The following DACH2 variants were observed in gnomAD, a reference collection of about 807,000 sequenced individuals.
DACH2 encodes the protein dachshund family transcription factor 2, also known as dachshund homolog 2.
DACH2 carries 17 observed loss-of-function variants against 35.8 expected under a neutral mutation model. The ratio of observed to expected loss-of-function variants is 0.48; its 90% CI spans 0.33 to 0.71. The LOEUF (loss-of-function observed/expected upper bound fraction) is 0.71, where lower values mean the gene tolerates loss of function less well. Among genes scored for constraint, DACH2 ranks in the 30% least tolerant of loss-of-function variants. The probability of loss-of-function intolerance (pLI) is 0.02; values close to 1 mark genes in which losing one functional copy is unlikely to be tolerated. For missense variants in DACH2, 469 were observed against 472.7 expected, an observed-to-expected ratio of 0.99 and a Z score of 0.07; for synonymous variants, 195 against 177.3, an observed-to-expected ratio of 1.10 and a Z score of -0.79.
At chrX:86,581,052 C>T (rs752780861) in intron 3 of DACH2, among the ~76,000 whole-genome samples, 6 of 111,386 alleles carry the variant, frequency 5.4e-5, no homozygotes, top group Non-Finnish European at 7.5e-5. Context: ...CATCAGAAAC[C>T]CTATAAGCAG....
intron 1 of DACH2, among the ~76,000 whole-genome samples, chrX:86,237,483 C>T (rs141640630): frequency 2.2e-3 from 244 of 111,077 alleles, no homozygotes; most frequent in African/African-American, 7.5e-3. Context: ...CATGACACAT[C>T]GACAGCTATG....
intron 1 of DACH2, among the ~76,000 whole-genome samples, chrX:86,256,345 A>G (rs1299488638): frequency 9.0e-6 from 1 of 111,655 alleles, no homozygotes; most frequent in African/African-American, 3.2e-5. Context: ...TCTTCTGAAG[A>G]GAGACATGCC....
At chrX:86,378,259 A>G (rs1258843404) in intron 2 of DACH2, among the ~76,000 whole-genome samples, 1 of 109,945 alleles carries the variant, frequency 9.1e-6, no homozygotes, top group Non-Finnish European at 1.9e-5. Context: ...TATATATAAT[A>G]TTTTTACATT....
At chrX:86,287,997 A>G (rs1417419818) in intron 1 of DACH2, among the ~76,000 whole-genome samples, 1 of 111,352 alleles carries the variant, frequency 9.0e-6, no homozygotes, top group Non-Finnish European at 1.9e-5. Context: ...TTTTGTATTC[A>G]TCTCAGTCTG....
chrX:86,760,225 T>A (rs1259827427), intron 7 of DACH2, among the ~76,000 whole-genome samples: 2 of 111,417 alleles, frequency 1.8e-5, no homozygotes, highest in Non-Finnish European at 3.8e-5. Flanking sequence ...GCTTCCTATA[T>A]CTGTGTGCGC....
chrX:86,641,498 A>G (rs2040346582), intron 3 of DACH2, among the ~76,000 whole-genome samples: 1 of 112,339 alleles, frequency 8.9e-6, no homozygotes, highest in African/African-American at 3.2e-5. Flanking sequence ...CCTGAAAGGG[A>G]AGGGGAGAAG....
chrX:86,326,512 C>CACACACAT (rs1283321887), intron 1 of DACH2, among the ~76,000 whole-genome samples: 1 of 102,886 alleles, frequency 9.7e-6, no homozygotes, highest in African/African-American at 3.5e-5. Flanking sequence ...CACACACACA[C>CACACACAT]ATATATATAT....
chrX:86,668,079 G>A (rs1329961321), intron 4 of DACH2, among the ~76,000 whole-genome samples: 1 of 111,435 alleles, frequency 9.0e-6, no homozygotes, highest in Non-Finnish European at 1.9e-5. Flanking sequence ...TACCTTCCTT[G>A]TATTTGAAGA....
intron 6 of DACH2, among the ~76,000 whole-genome samples, chrX:86,723,782 A>G (rs2041434306): frequency 9.0e-6 from 1 of 111,718 alleles, no homozygotes; most frequent in South Asian, 3.7e-4. Context: ...GTTAGATAGA[A>G]TATTCTATAG....
chrX:86,644,920 A>G, intron 3 of DACH2, among the ~76,000 whole-genome samples: 1 of 109,689 alleles, frequency 9.1e-6, no homozygotes, highest in Non-Finnish European at 1.9e-5. Context: ...TTAACTCAAT[A>G]TGGATTAATG....
intron 1 of DACH2, among the ~76,000 whole-genome samples, chrX:86,210,318 T>C (rs2032415442): frequency 8.9e-6 from 1 of 112,056 alleles, no homozygotes; most frequent in Non-Finnish European, 1.9e-5. Context: ...TATATCATGA[T>C]CACAAAAGCG....
intron 1 of DACH2, among the ~76,000 whole-genome samples, chrX:86,227,121 T>C (rs2032842234): frequency 9.0e-6 from 1 of 111,437 alleles, no homozygotes. Context: ...AAAATACTGG[T>C]TTACATTTAT....
intron 3 of DACH2, among the ~76,000 whole-genome samples, chrX:86,545,668 G>A (rs761582146): frequency 5.4e-5 from 6 of 111,847 alleles, no homozygotes; most frequent in Non-Finnish European, 9.4e-5. Flanking sequence ...AAGGTCAAAT[G>A]TTTCTTCCCA....
At chrX:86,442,872 G>T (rs1480311890) in intron 2 of DACH2, among the ~76,000 whole-genome samples, 1 of 111,611 alleles carries the variant, frequency 9.0e-6, no homozygotes, top group Non-Finnish European at 1.9e-5. Context: ...TAAACACATG[G>T]ATTTATGTCT....
intron 4 of DACH2, among the ~76,000 whole-genome samples, chrX:86,688,686 T>C (rs1192074790): frequency 2.7e-4 from 30 of 112,175 alleles, no homozygotes; most frequent in Admixed American, 2.0e-3. Context: ...ATCTCTTTCA[T>C]TGAATAATGG....
chrX:86,758,876 G>A (rs936446840), intron 7 of DACH2, among the ~76,000 whole-genome samples: 2 of 112,166 alleles, frequency 1.8e-5, no homozygotes, highest in Non-Finnish European at 3.8e-5. Context: ...ACTATATGGG[G>A]TACCCATAAC....
At chrX:86,539,583 G>C (rs62593267) in intron 3 of DACH2, among the ~76,000 whole-genome samples, 5,616 of 110,996 alleles carry the variant, frequency 0.051, 122 homozygotes, top group Middle Eastern at 0.1. Context: ...GTGTGCATAG[G>C]ACTTTTGAGA....
intron 5 of DACH2, among the ~76,000 whole-genome samples, chrX:86,699,410 T>A (rs1424767700): frequency 1.8e-5 from 2 of 111,733 alleles, no homozygotes; most frequent in Non-Finnish European, 3.8e-5. Context: ...GACCTCACAA[T>A]CATGGTGGAA....
intron 1 of DACH2, among the ~76,000 whole-genome samples, chrX:86,270,803 T>C (rs1009237172): frequency 4.5e-5 from 5 of 112,303 alleles, no homozygotes; most frequent in African/African-American, 1.6e-4. Flanking sequence ...TCTGGTTTCA[T>C]AGTATACAGA....
Sources: gnomAD v4.1 joint callset for allele counts (sites outside exome capture counted in the v4.1 genomes callset) on GRCh38, gnomAD v4.1.1 for gene constraint, MANE v1.5 for transcripts, NCBI Gene and HGNC (gene_info 2026-07-23, HGNC 2026-07-21) for gene names.